Variants in ERC2 observed in about 807,000 individuals in gnomAD.
ERC2 encodes ERC protein 2.
ERC2 carries 42 observed loss-of-function variants against 114.8 expected under a neutral mutation model. The ratio of observed to expected loss-of-function variants is 0.37; its 90% confidence interval spans 0.29 to 0.47. ERC2 has a LOEUF of 0.47. Ranked by LOEUF, ERC2 falls within the 20% of genes least tolerant of loss-of-function variation. ERC2 has a pLI of 0.99. For synonymous variants in ERC2, 454 were observed against 425.5 expected, an observed-to-expected ratio of 1.07 and a Z score of -0.82; for missense variants, 939 against 1,150.7, an observed-to-expected ratio of 0.82 and a Z score of 2.66.
At chr3:56,066,163 A>G (rs2076472745) in intron 7 of ERC2, among the ~76,000 whole-genome samples, 1 of 152,154 alleles carries the variant, frequency 6.6e-6, no homozygotes, top group South Asian at 2.1e-4. Flanking sequence ...ATTCCCATCA[A>G]CACTGTAAAA....
chr3:55,610,911 A>C (rs546498516), intron 17 of ERC2: 2 of 152,340 alleles, frequency 1.3e-5, no homozygotes, highest in East Asian at 3.9e-4. Flanking sequence ...TCAGCTTCTC[A>C]CTTTCACAAG....
At chr3:55,524,781 A>G (rs554571825) in intron 17 of ERC2, among the ~76,000 whole-genome samples, 1 of 152,340 alleles carries the variant, frequency 6.6e-6, no homozygotes, top group Non-Finnish European at 1.5e-5. Context: ...GCTAAACACA[A>G]TGAAAAAAGA....
chr3:56,245,323 A>G (rs1396524607), intron 3 of ERC2, among the ~76,000 whole-genome samples: 5 of 152,130 alleles, frequency 3.3e-5, no homozygotes, highest in Non-Finnish European at 7.4e-5. Flanking sequence ...GAGACGTATT[A>G]CCACTCATCC....
chr3:56,083,444 C>T (rs1175302790), intron 6 of ERC2, among the ~76,000 whole-genome samples: 1 of 152,092 alleles, frequency 6.6e-6, no homozygotes, highest in Admixed American at 6.6e-5. Flanking sequence ...TTTTTCTGTT[C>T]TCTAAATTGA....
chr3:55,879,779 C>T (rs982078246), intron 14 of ERC2, among the ~76,000 whole-genome samples: 1 of 152,198 alleles, frequency 6.6e-6, no homozygotes, highest in African/African-American at 2.4e-5. Flanking sequence ...TCCTTTCCTT[C>T]CTTAGAACTG....
intron 2 of ERC2, among the ~76,000 whole-genome samples, chr3:56,307,326 C>T (rs904804886): frequency 1.3e-5 from 2 of 152,164 alleles, no homozygotes; most frequent in African/African-American, 2.4e-5. Flanking sequence ...TGAATCCTTG[C>T]GTCTTATCTC....
chr3:55,906,901 A>T (rs11717249), intron 13 of ERC2, among the ~76,000 whole-genome samples: 44,957 of 152,086 alleles, frequency 0.3, 7,510 homozygotes, highest in Non-Finnish European at 0.35. Flanking sequence ...GAGGGTGATC[A>T]GGCTGAGTAT....
chr3:55,696,367 A>C (rs1180634336), intron 16 of ERC2, among the ~76,000 whole-genome samples: 1 of 152,220 alleles, frequency 6.6e-6, no homozygotes, highest in Non-Finnish European at 1.5e-5. Flanking sequence ...AGGCCACAGG[A>C]AGGCCAGGGC....
At chr3:56,276,459 T>TAAAAAAA (rs766683320) in intron 3 of ERC2, among the ~76,000 whole-genome samples, 31 of 82,874 alleles carry the variant, frequency 3.7e-4, no homozygotes, top group Middle Eastern at 7.2e-3. Context: ...CAAACTCAGC[T>TAAAAAAA]AAAAAAAAAA....
rs185088653 is a variant in ERC2, at chr3:56,013,986, T to G, written c.1780-3397A>C. 4.6e-5 allele frequency among the ~76,000 whole-genome samples: 7 copies of G among 152,320 alleles called. No homozygotes were observed. In the East Asian group the frequency reaches 1.4e-3, roughly 29 times the overall value. On this transcript the variant is annotated intron_variant, in intron 8 of 17. Transcript: ENST00000288221. ...AGATAGAGAACCTTGCCAGTTCCTA[T>G]CCAACGGTTTTATCTGTGCTTTCCA...
At chr3:55,790,195 C>T (rs2069880749) in intron 14 of ERC2, among the ~76,000 whole-genome samples, 1 of 152,086 alleles carries the variant, frequency 6.6e-6, no homozygotes, top group South Asian at 2.1e-4. Flanking sequence ...TTACCTTGCT[C>T]ATCTCTCAAC....
chr3:55,591,574 C>CAT (rs2057885099), intron 17 of ERC2, among the ~76,000 whole-genome samples: 2 of 148,152 alleles, frequency 1.3e-5, no homozygotes, highest in Non-Finnish European at 3.0e-5. Context: ...AGTTTGTGTG[C>CAT]GTGTGTGTGT....
rs371570108 is a variant in ERC2, at chr3:56,226,142, T to C, written c.1075-52622A>G. On this transcript the variant is annotated intron_variant, in intron 3 of 17. Transcript: ENST00000288221. Reference sequence around the variant, plus strand: ...TATTTGCTCCAAGATACAAATTACCTACCTACAAAAGATTTAATGACCTAT... The same window carrying C: ...TATTTGCTCCAAGATACAAATTACCCACCTACAAAAGATTTAATGACCTAT... Among the ~76,000 whole-genome samples, 46 of 152,286 alleles carry C rather than the reference T, an allele frequency of 3.0e-4. 2 individuals are homozygous for C. The South Asian group carries it at 9.1e-3, about 30-fold the overall frequency.
chr3:55,732,082 T>A (rs1316310813), intron 15 of ERC2, among the ~76,000 whole-genome samples: 2 of 152,186 alleles, frequency 1.3e-5, no homozygotes, highest in East Asian at 3.9e-4. Flanking sequence ...TGTGAGTCGT[T>A]GGACTGGTTA....
chr3:55,937,101 G>A (rs574384911), intron 13 of ERC2, among the ~76,000 whole-genome samples: 1 of 152,286 alleles, frequency 6.6e-6, no homozygotes, highest in East Asian at 1.9e-4. Context: ...AGCATTTTGG[G>A]AGGCCAAGTG....
chr3:56,421,450 C>T (rs2061385019), intron 2 of ERC2, among the ~76,000 whole-genome samples: 1 of 152,166 alleles, frequency 6.6e-6, no homozygotes, highest in African/African-American at 2.4e-5. Context: ...TTCCCTTGGC[C>T]ACAGCTGACT....
chr3:56,039,351 TAAC>T (rs1406314304), intron 7 of ERC2, among the ~76,000 whole-genome samples: 1 of 152,140 alleles, frequency 6.6e-6, no homozygotes, highest in Non-Finnish European at 1.5e-5. Flanking sequence ...CTCTATATAC[TAAC>T]AACAAACTAT....
chr3:56,343,192 T>TCTCTCTCTCTCTCACACA (rs1376220124), intron 2 of ERC2, among the ~76,000 whole-genome samples: 39 of 126,206 alleles, frequency 3.1e-4, no homozygotes, highest in African/African-American at 1.1e-3. Flanking sequence ...TCTCTCTCTC[T>TCTCTCTCTCTCTCACACA]CACACACACA....
chr3:56,249,938 A>G (rs1576081076), intron 3 of ERC2, among the ~76,000 whole-genome samples: 1 of 145,996 alleles, frequency 6.8e-6, no homozygotes, highest in Admixed American at 6.9e-5. Context: ...GCTCACCACA[A>G]CCTCCACCTC....
Sources: gnomAD v4.1 joint callset for allele counts (sites outside exome capture counted in the v4.1 genomes callset) on GRCh38, gnomAD v4.1.1 for gene constraint, MANE v1.5 for transcripts, NCBI Gene and HGNC (gene_info 2026-07-23, HGNC 2026-07-21) for gene names.